ADRA1A: variants seen among roughly 807,000 people sequenced by gnomAD.
ADRA1A encodes the protein alpha-1A adrenergic receptor.
Under a neutral mutation model 29.6 loss-of-function variants are expected in ADRA1A, and 31 were observed. The observed-to-expected ratio is 1.05, with a 90% confidence interval of 0.79 to 1.41. The LOEUF is 1.41. Among genes scored for constraint, ADRA1A ranks in the 40% most tolerant of loss-of-function variants. The probability of loss-of-function intolerance (pLI) is 0.00; values close to 1 mark genes in which losing one functional copy is unlikely to be tolerated. For synonymous variants in ADRA1A, 311 were observed against 254.3 expected (o/e 1.22, Z -2.12); for missense variants, 619 against 601.1 (o/e 1.03, Z -0.31).
At chr8:26,785,102 T>C (rs1270307521) in intron 2 of ADRA1A, among the ~76,000 whole-genome samples, 3 of 152,184 alleles carry the variant, frequency 2.0e-5, no homozygotes, top group African/African-American at 7.2e-5. Flanking sequence ...AATGAATGAA[T>C]GTTGAATGAA....
rs1298317323 is a variant in ADRA1A at position 26,866,735 on chromosome 8, G to A, written c.-687+201C>T. Among the ~76,000 whole-genome samples, 1 of 152,206 alleles carries A rather than the reference G, an allele frequency of 6.6e-6. No homozygotes were observed. Among genetic ancestry groups the A allele is most frequent in the Non-Finnish European group, 1.5e-5 (1 of 68,044 alleles). ...CCTACCTCGAGGGTGATAAACACAG[G>A]GTTAAAAAGACACTTGTTCAGTAGA... On this transcript the variant is annotated intron_variant, in intron 1 of 2. Transcript: ENST00000380573. This position sits in a 1 kb window ranked among gnomAD's most constrained non-coding sequence, Gnocchi z 5.7.
downstream of ADRA1A, among the ~76,000 whole-genome samples, chr8:26,761,804 AG>A (rs1219607280): frequency 6.6e-6 from 1 of 152,210 alleles, no homozygotes; most frequent in East Asian, 1.9e-4. Context: ...CTTTACTTAA[AG>A]CAGAAAAGTT....
intron 2 of ADRA1A, among the ~76,000 whole-genome samples, chr8:26,807,309 A>G (rs1809064270): frequency 6.6e-6 from 1 of 152,232 alleles, no homozygotes; most frequent in South Asian, 2.1e-4. Flanking sequence ...TAATTAAATA[A>G]TAAGAAGGTA....
chr8:26,767,390 C>T (rs1157782935), downstream of ADRA1A, among the ~76,000 whole-genome samples: 3 of 152,026 alleles, frequency 2.0e-5, no homozygotes, highest in Non-Finnish European at 4.4e-5. Context: ...GGGGAATGAG[C>T]GAAAAGTAAT....
Position 26,866,493 on chromosome 8 carries a change from G to A in ADRA1A, c.-687+443C>T, listed in dbSNP as rs2130807335. On this transcript the variant is annotated intron_variant, in intron 1 of 2. Transcript: ENST00000380573. This position sits in a 1 kb window ranked among gnomAD's most constrained non-coding sequence, Gnocchi z 5.7. Reference sequence around the variant, plus strand: ...GGGCAGGGGCCGCCTTCGATTTTCTGGGCTGGGGGCCACCATCTGCGTAAG... The same window carrying A: ...GGGCAGGGGCCGCCTTCGATTTTCTAGGCTGGGGGCCACCATCTGCGTAAG... Among the ~76,000 whole-genome samples the A allele has an allele frequency of 6.6e-6, 1 of 152,294 alleles. No individual in the cohort carries two copies. Among genetic ancestry groups the A allele is most frequent in the African/African-American group, 2.4e-5 (1 of 41,568 alleles).
At chr8:26,856,345 A>G (rs1486922444) in intron 2 of ADRA1A, among the ~76,000 whole-genome samples, 1 of 152,230 alleles carries the variant, frequency 6.6e-6, no homozygotes, top group East Asian at 1.9e-4. Context: ...CAACTGGTCT[A>G]TCCACAATCT....
downstream of ADRA1A, among the ~76,000 whole-genome samples, chr8:26,754,756 G>A (rs1805077808): frequency 6.6e-6 from 1 of 152,190 alleles, no homozygotes. Flanking sequence ...GCCCCAGCAA[G>A]TCAAGTCCTT....
rs921313839 is a variant in ADRA1A, at chr8:26,770,756, T to C, written c.884-90A>G. 6 of 1,473,922 alleles carry C rather than the reference T, an allele frequency of 4.1e-6. No homozygotes were observed. The African/African-American group carries it at 7.1e-5, about 17-fold the overall frequency. 91.3% of individuals were successfully genotyped at this position (1,473,922 alleles called of 1,614,324 possible). The stretch of plus-strand genomic sequence containing the variant: ...ACAATCAAACAGACATCTTTCTGTA[T>C]TTTTAAACGGTTAAAATGATCCCAA... On this transcript the variant is annotated intron_variant, in intron 2 of 2. Coordinates refer to ENST00000380573, the MANE Select transcript of ADRA1A (RefSeq NM_000680.4).
chr8:26,801,738 TAAAA>T (rs1808592851), intron 2 of ADRA1A, among the ~76,000 whole-genome samples: 1 of 151,574 alleles, frequency 6.6e-6, no homozygotes, highest in Non-Finnish European at 1.5e-5. Flanking sequence ...ACCAATGAAA[TAAAA>T]TAAATAAAAT....
At chr8:26,749,854 C>T (rs1052457233) in intron 2 of ADRA1A, among the ~76,000 whole-genome samples, 3 of 152,170 alleles carry the variant, frequency 2.0e-5, no homozygotes, top group Non-Finnish European at 1.5e-5. Flanking sequence ...TTCCTATCTC[C>T]ATTGCTTTAC....
chr8:26,838,775 C>G (rs1267049220), intron 2 of ADRA1A, among the ~76,000 whole-genome samples: 1 of 152,234 alleles, frequency 6.6e-6, no homozygotes, highest in Non-Finnish European at 1.5e-5. Context: ...AGTCCCTATT[C>G]TGTAGCTTTG....
Position 26,866,230 on chromosome 8 carries a change from C to T in ADRA1A, c.-686-575G>A, listed in dbSNP as rs1336567701. ...CGCACCGGTCTGTCCACCAGCCAAG[C>T]TGGCTTGAGAGCCAGGTCCCGAGCG... On this transcript the variant is annotated intron_variant, in intron 1 of 2. Coordinates refer to ENST00000380573, the MANE Select transcript of ADRA1A (RefSeq NM_000680.4). This position sits in a 1 kb window ranked among gnomAD's most constrained non-coding sequence, Gnocchi z 5.7. Among the ~76,000 whole-genome samples, 1 of 152,174 alleles carries T rather than the reference C, an allele frequency of 6.6e-6. No individual in the cohort carries two copies. Among genetic ancestry groups the T allele is most frequent in the Non-Finnish European group, 1.5e-5 (1 of 68,014 alleles).
At position 26,841,835 on chromosome 8, in the gene ADRA1A, C is replaced by T. The variant is rs1425238043; in HGVS notation, c.883+22252G>A. ...CTTTTCTTTCCCCTTGACTTCTCTG[C>T]TGCATTTGATATTGGCGCCACTTTC... On this transcript the variant is annotated intron_variant, in intron 2 of 2. Coordinates refer to ENST00000380573, the MANE Select transcript of ADRA1A (RefSeq NM_000680.4). This position sits in a 1 kb window ranked among gnomAD's most constrained non-coding sequence, Gnocchi z 4.4. Among the ~76,000 whole-genome samples the T allele has an allele frequency of 2.0e-5, 3 of 152,130 alleles. No individual in the cohort carries two copies. The highest frequency in any genetic ancestry group is 4.4e-5 in the Non-Finnish European group (3 of 68,024).
Position 26,790,071 on chromosome 8 carries a change from T to C in ADRA1A, c.884-19405A>G, listed in dbSNP as rs1364955869. On this transcript the variant is annotated intron_variant, in intron 2 of 2. Transcript: ENST00000380573. ...GGTTCCTCAAAAAACCAAATACAAG[T>C]AGAACTACCATGATCCAGCAATCCA... 5.9e-5 allele frequency among the ~76,000 whole-genome samples: 9 copies of C among 152,006 alleles called. No homozygotes were observed. In the South Asian group the frequency reaches 1.7e-3, roughly 28 times the overall value.
intron 2 of ADRA1A, among the ~76,000 whole-genome samples, chr8:26,757,338 G>A (rs1345718032): frequency 6.6e-6 from 1 of 152,156 alleles, no homozygotes; most frequent in Non-Finnish European, 1.5e-5. Flanking sequence ...AGCTTGCAGT[G>A]TGGACTTCCC....
chr8:26,828,685 A>T (rs1220409418), intron 2 of ADRA1A, among the ~76,000 whole-genome samples: 1 of 152,132 alleles, frequency 6.6e-6, no homozygotes, highest in Non-Finnish European at 1.5e-5. Flanking sequence ...ATTTTAGAGG[A>T]TCACATTCTC....
At chr8:26,826,605 G>T (rs1336473661) in intron 2 of ADRA1A, among the ~76,000 whole-genome samples, 1 of 152,120 alleles carries the variant, frequency 6.6e-6, no homozygotes, top group Non-Finnish European at 1.5e-5. Context: ...GCTCATCTTT[G>T]TCTGTGCTTA....
In ADRA1A at chr8:26,865,929, G is replaced by C. The variant is rs1813876592; in HGVS notation, c.-686-274C>G. On this transcript the variant is annotated intron_variant, in intron 1 of 2. Transcript: ENST00000380573. The surrounding 1 kb of genome is among the most constrained non-coding windows in gnomAD (Gnocchi z 7.6). The stretch of plus-strand genomic sequence containing the variant: ...AAAAAACAAATCCCCAAAACCCCAG[G>C]CTCCAGCGCTCGAAGTCTGGATTTC... Among the ~76,000 whole-genome samples, 2 of 152,120 alleles carry C rather than the reference G, an allele frequency of 1.3e-5. No individual in the cohort carries two copies. The highest frequency in any genetic ancestry group is 2.1e-4 in the South Asian group (1 of 4,834).
intron 2 of ADRA1A, among the ~76,000 whole-genome samples, chr8:26,808,568 G>T (rs1809161927): frequency 6.6e-6 from 1 of 152,074 alleles, no homozygotes; most frequent in Non-Finnish European, 1.5e-5. Context: ...CCCCTTTCCT[G>T]CTTCTAGCTG....
Sources: allele counts gnomAD v4.1 joint callset (sites outside exome capture counted in the v4.1 genomes callset), GRCh38; gene constraint gnomAD v4.1.1; non-coding constraint Gnocchi (gnomAD v3.1); transcripts MANE v1.5; gene names NCBI Gene and HGNC (gene_info 2026-07-23, HGNC 2026-07-21).